Variants in EYS observed in about 807,000 individuals in gnomAD.
The protein encoded by EYS is protein eyes shut homolog.
In EYS, 250 loss-of-function variants were observed where a neutral mutation model predicts 282.1. That is an observed-to-expected ratio of 0.89 (90% confidence interval 0.80 to 0.98). The LOEUF is 0.98. Among genes scored for constraint, EYS ranks in the 50% least tolerant of loss-of-function variants. The pLI, the probability that EYS is intolerant of heterozygous loss-of-function variation, is 0.00. For missense variants in EYS, 4,016 were observed against 3,709.0 expected, an observed-to-expected ratio of 1.08 and a Z score of -2.15; for synonymous variants, 1,355 against 1,282.9, an observed-to-expected ratio of 1.06 and a Z score of -1.20.
rs144721508 is a variant in EYS at position 64,700,042 on chromosome 6, A to C, written c.3444-73797T>G. 4.3e-3 allele frequency among the ~76,000 whole-genome samples: 652 copies of C among 152,238 alleles called. 6 individuals carry two copies. Among genetic ancestry groups the C allele is most frequent in the African/African-American group, 0.015 (610 of 41,580 alleles). On this transcript the variant is annotated intron_variant, in intron 22 of 42. Transcript: ENST00000503581. ...TCAAAAAGATAATATACCATAATCA[A>C]GTGGGTTTTATTCCAGGGAACCAAG... is the stretch of plus-strand genomic sequence containing the variant.
At chr6:65,278,031 C>CTTTTCCTTTTCTTTTCTTTT in intron 12 of EYS, among the ~76,000 whole-genome samples, 1 of 107,510 alleles carries the variant, frequency 9.3e-6, no homozygotes, top group Admixed American at 1.1e-4. Context: ...CTTTTCTTTT[C>CTTTTCCTTTTCTTTTCTTTT]CTTTTCTTTT....
intron 26 of EYS, among the ~76,000 whole-genome samples, chr6:64,575,958 A>T (rs1382805287): frequency 1.3e-5 from 2 of 152,264 alleles, no homozygotes; most frequent in African/African-American, 4.8e-5. Context: ...GTAGCCCTAT[A>T]TTATAGATGA....
chr6:63,746,568 G>A (rs1393786525), intron 41 of EYS, among the ~76,000 whole-genome samples: 1 of 152,130 alleles, frequency 6.6e-6, no homozygotes, highest in African/African-American at 2.4e-5. Flanking sequence ...GCTGTTTTTG[G>A]TTGGTAGTCT....
At chr6:64,116,112 T>C (rs1773374337) in intron 31 of EYS, among the ~76,000 whole-genome samples, 1 of 151,906 alleles carries the variant, frequency 6.6e-6, no homozygotes, top group Non-Finnish European at 1.5e-5. Flanking sequence ...ATTCAATTAA[T>C]GAAATAAAAA....
chr6:64,310,831 T>C (rs1769666729), intron 29 of EYS, among the ~76,000 whole-genome samples: 1 of 152,148 alleles, frequency 6.6e-6, no homozygotes, highest in African/African-American at 2.4e-5. Context: ...AAGACTGGAC[T>C]GAATTTTTTT....
At chr6:64,050,251 C>T (rs997010354) in intron 33 of EYS, among the ~76,000 whole-genome samples, 4 of 152,120 alleles carry the variant, frequency 2.6e-5, no homozygotes, top group Non-Finnish European at 4.4e-5. Flanking sequence ...TCTCTCCTGA[C>T]TCTTTTATTG....
intron 28 of EYS, among the ~76,000 whole-genome samples, chr6:64,432,940 T>C (rs1378350108): frequency 2.0e-5 from 3 of 152,106 alleles, no homozygotes; most frequent in Non-Finnish European, 4.4e-5. Context: ...TGTGTGCTTT[T>C]AGTATCTTTA....
At chr6:64,495,444 G>T (rs1379713255) in intron 26 of EYS, among the ~76,000 whole-genome samples, 2 of 151,826 alleles carry the variant, frequency 1.3e-5, no homozygotes, top group Non-Finnish European at 2.9e-5. Flanking sequence ...AGGGCTTAAA[G>T]AATCAAAATG....
chr6:65,390,823 G>C (rs566632475), intron 7 of EYS, among the ~76,000 whole-genome samples: 2 of 152,066 alleles, frequency 1.3e-5, no homozygotes, highest in South Asian at 4.1e-4. Flanking sequence ...GGTTGAGACT[G>C]ACATGAGCTT....
intron 31 of EYS, among the ~76,000 whole-genome samples, chr6:64,101,995 G>A (rs772643698): frequency 5.9e-5 from 9 of 151,922 alleles, no homozygotes; most frequent in Non-Finnish European, 8.8e-5. Context: ...AGCGGGTGGA[G>A]CTCAAGCAGT....
intron 13 of EYS, among the ~76,000 whole-genome samples, chr6:65,052,572 C>T (rs1019884894): frequency 4.6e-5 from 7 of 151,310 alleles, no homozygotes; most frequent in East Asian, 3.9e-4. Flanking sequence ...TTGTGGTATC[C>T]GAACATGGAA....
At chr6:65,254,945 C>G (rs182920274) in intron 12 of EYS, among the ~76,000 whole-genome samples, 1 of 151,758 alleles carries the variant, frequency 6.6e-6, no homozygotes, top group Non-Finnish European at 1.5e-5. Flanking sequence ...AAACATATCA[C>G]TTGAATTAGT....
intron 35 of EYS, among the ~76,000 whole-genome samples, chr6:63,899,669 T>G (rs1484786110): frequency 6.6e-6 from 1 of 152,214 alleles, no homozygotes; most frequent in African/African-American, 2.4e-5. Context: ...AAGTGTTCTT[T>G]GATCCTTCCA....
intron 26 of EYS, among the ~76,000 whole-genome samples, chr6:64,488,305 T>G (rs1776635749): frequency 6.6e-6 from 1 of 151,024 alleles, no homozygotes; most frequent in Non-Finnish European, 1.5e-5. Context: ...TCAGCCAAAC[T>G]TGGACTTCAG....
rs187287561 is a variant in EYS at position 65,242,665 on chromosome 6, T to C, written c.2023+53198A>G. On this transcript the variant is annotated intron_variant, in intron 12 of 42. Transcript: ENST00000503581. ...TGGAATTGATGGGTCATATGATAAA[T>C]TTATATTTAACATTTTGAGGACTTG... 1.6e-3 allele frequency among the ~76,000 whole-genome samples: 244 copies of C among 152,264 alleles called. 4 individuals are homozygous for C. The highest frequency in any genetic ancestry group is 0.015 in the Admixed American group (225 of 15,298).
intron 29 of EYS, among the ~76,000 whole-genome samples, chr6:64,341,421 G>A (rs1327456700): frequency 6.6e-6 from 1 of 151,736 alleles, no homozygotes; most frequent in Non-Finnish European, 1.5e-5. Flanking sequence ...GAGGCCATAA[G>A]CCTAAATGAA....
intron 12 of EYS, among the ~76,000 whole-genome samples, chr6:65,087,663 A>G (rs774633620): frequency 3.3e-5 from 5 of 152,166 alleles, no homozygotes; most frequent in Admixed American, 6.5e-5. Context: ...CAGAATACAC[A>G]CTAAACCCCT....
At chr6:65,338,433 T>C (rs1770073603) in intron 10 of EYS, among the ~76,000 whole-genome samples, 2 of 151,202 alleles carry the variant, frequency 1.3e-5, no homozygotes, top group South Asian at 4.1e-4. Flanking sequence ...TCCATTAATC[T>C]TTAAAAATTT....
At chr6:65,398,722 T>G (rs1286332412) in intron 7 of EYS, among the ~76,000 whole-genome samples, 1 of 152,096 alleles carries the variant, frequency 6.6e-6, no homozygotes, top group African/African-American at 2.4e-5. Flanking sequence ...GCCCGATAGC[T>G]TCTCTAAAAT....
Sources: allele counts gnomAD v4.1 joint callset (sites outside exome capture counted in the v4.1 genomes callset), GRCh38; gene constraint gnomAD v4.1.1; transcripts MANE v1.5; gene names NCBI Gene and HGNC (gene_info 2026-07-23, HGNC 2026-07-21).